ARAP2: variants seen among roughly 807,000 people sequenced by gnomAD.
The protein encoded by ARAP2 is arf-GAP with Rho-GAP domain, ANK repeat and PH domain-containing protein 2.
ARAP2 carries 148 observed loss-of-function variants against 194.5 expected under a neutral mutation model. The observed-to-expected ratio is 0.76, with a 90% confidence interval of 0.67 to 0.87. ARAP2 has a LOEUF of 0.87. Among genes scored for constraint, ARAP2 ranks in the 40% least tolerant of loss-of-function variants. The probability of loss-of-function intolerance (pLI) is 0.00; values close to 1 mark genes in which losing one functional copy is unlikely to be tolerated. For synonymous variants in ARAP2, 695 were observed against 683.5 expected (o/e 1.02, Z -0.26); for missense variants, 2,128 against 1,989.7 (o/e 1.07, Z -1.32).
intron 8 of ARAP2, among the ~76,000 whole-genome samples, chr4:36,014,617 T>C: frequency 6.6e-6 from 1 of 152,220 alleles, no homozygotes; most frequent in East Asian, 1.9e-4. Flanking sequence ...ATAGCTTTTC[T>C]ATACGTCAGC....
intron 5 of ARAP2, among the ~76,000 whole-genome samples, chr4:36,031,535 T>C (rs1560291908): frequency 6.6e-6 from 1 of 152,154 alleles, no homozygotes; most frequent in African/African-American, 2.4e-5. Flanking sequence ...TTAGTTAACA[T>C]AACAAATACC....
chr4:36,062,206 C>G (rs973593520), downstream of ARAP2, among the ~76,000 whole-genome samples: 1 of 152,072 alleles, frequency 6.6e-6, no homozygotes, highest in Non-Finnish European at 1.5e-5. Context: ...GGATATTACT[C>G]AAGAAATTTT....
At chr4:36,065,504 T>A, downstream of ARAP2, 1 of 308,282 alleles carries the variant, frequency 3.2e-6, no homozygotes, top group Non-Finnish European at 6.7e-6. Flanking sequence ...GGGGACAGCA[T>A]CTTGTCAATG....
chr4:36,022,310 T>C (rs184698945), intron 5 of ARAP2, among the ~76,000 whole-genome samples: 1 of 152,158 alleles, frequency 6.6e-6, no homozygotes, highest in Admixed American at 6.6e-5. Flanking sequence ...TACATGTAGG[T>C]GGCTGTTATG....
At chr4:36,027,688 T>A (rs1272877598) in intron 5 of ARAP2, among the ~76,000 whole-genome samples, 2 of 152,084 alleles carry the variant, frequency 1.3e-5, no homozygotes, top group Non-Finnish European at 2.9e-5. Flanking sequence ...ACCATCTTCA[T>A]CTCCACCATA....
chr4:36,087,459 T>C (rs1712194081), intron 28 of ARAP2, among the ~76,000 whole-genome samples: 1 of 152,140 alleles, frequency 6.6e-6, no homozygotes, highest in African/African-American at 2.4e-5. Flanking sequence ...TAAAGAACAC[T>C]GTTTTCAGAG....
chr4:36,122,422 T>C (rs753485204), intron 22 of ARAP2, among the ~76,000 whole-genome samples: 1 of 151,870 alleles, frequency 6.6e-6, no homozygotes, highest in Non-Finnish European at 1.5e-5. Context: ...CACCATGGAA[T>C]ACTATGCAGC....
intron 11 of ARAP2, among the ~76,000 whole-genome samples, chr4:36,164,160 T>G (rs1259055098): frequency 2.6e-5 from 4 of 152,146 alleles, no homozygotes; most frequent in Non-Finnish European, 4.4e-5. Context: ...AGTACTTGAG[T>G]TGAATTCTCT....
exon 4 of ARAP2, chr4:36,046,792 G>A (rs920030762): frequency 6.6e-6 from 1 of 152,208 alleles, no homozygotes; most frequent in African/African-American, 2.4e-5. Flanking sequence ...AGTAGAGCAA[G>A]TTCACCAAGT....
intron 12 of ARAP2, 38 bp downstream of exon 12, chr4:36,161,427 C>A (rs747700516): frequency 1.9e-6 from 3 of 1,539,616 alleles, no homozygotes; most frequent in Non-Finnish European, 9.0e-7. Context: ...GCAAACTGAA[C>A]CCCTATCACA....
chr4:36,088,506 T>C (rs966989760), intron 28 of ARAP2, among the ~76,000 whole-genome samples: 1 of 152,118 alleles, frequency 6.6e-6, no homozygotes, highest in African/African-American at 2.4e-5. Context: ...TAGTAACCAC[T>C]TGATACCCAC....
chr4:36,217,910 G>A lies in ARAP2; in HGVS notation c.906-3430C>T, dbSNP rs560124850. ...ATAAATATGACAATACCCCCTATATGAATCTGTAGTGTCAATGCAACCCTA... is the reference window on the plus strand; with the variant it reads ...ATAAATATGACAATACCCCCTATATAAATCTGTAGTGTCAATGCAACCCTA... On this transcript the variant is annotated intron_variant, in intron 2 of 32. Transcript: ENST00000303965. Among the ~76,000 whole-genome samples the A allele has an allele frequency of 1.7e-3, 256 of 150,742 alleles. 4 individuals are homozygous for A. Among genetic ancestry groups the A allele is most frequent in the Non-Finnish European group, 2.1e-3 (143 of 67,814 alleles).
intron 22 of ARAP2, among the ~76,000 whole-genome samples, chr4:36,122,720 T>C (rs1471673275): frequency 6.6e-6 from 1 of 151,688 alleles, no homozygotes; most frequent in African/African-American, 2.4e-5. Flanking sequence ...AGTTTACCTG[T>C]GTAACAAACC....
In ARAP2 at chr4:36,052,779, A is replaced by T. The variant is rs532078629; in HGVS notation, n.322-726T>A. 2.0e-5 allele frequency among the ~76,000 whole-genome samples: 3 copies of T among 152,236 alleles called. No individual in the cohort carries two copies. In the East Asian group the frequency reaches 5.8e-4, roughly 30 times the overall value. ...GGAGATCCAGACCATCGTGGCTAGC[A>T]CGGTGAAACCCCGTCTCTACTAAAA... On this transcript the variant is annotated intron_variant and non_coding_transcript_variant, in intron 2 of 12. Transcript: ENST00000503225.
At chr4:36,087,073 T>G (rs1712071640) in intron 28 of ARAP2, among the ~76,000 whole-genome samples, 1 of 152,076 alleles carries the variant, frequency 6.6e-6, no homozygotes, top group African/African-American at 2.4e-5. Flanking sequence ...TATACAAGCA[T>G]GCATATATTA....
intron 11 of ARAP2, among the ~76,000 whole-genome samples, chr4:36,164,227 G>A (rs898120479): frequency 1.3e-5 from 2 of 152,040 alleles, no homozygotes; most frequent in Admixed American, 1.3e-4. Flanking sequence ...CATACAGTGG[G>A]GGAGAAGGTG....
At chr4:36,176,700 C>A (rs549092776) in intron 9 of ARAP2, among the ~76,000 whole-genome samples, 1 of 152,218 alleles carries the variant, frequency 6.6e-6, no homozygotes, top group South Asian at 2.1e-4. Flanking sequence ...GAGGAATATG[C>A]TAACTACCCA....
chr4:36,198,970 G>C (rs1226490262), intron 6 of ARAP2, among the ~76,000 whole-genome samples: 1 of 152,144 alleles, frequency 6.6e-6, no homozygotes, highest in African/African-American at 2.4e-5. Flanking sequence ...CAGGACTCCT[G>C]TCTGCTCCAG....
At chr4:36,145,048 A>C (rs980238744) in intron 19 of ARAP2, among the ~76,000 whole-genome samples, 1 of 151,982 alleles carries the variant, frequency 6.6e-6, no homozygotes, top group Non-Finnish European at 1.5e-5. Context: ...TGTAATTAAG[A>C]GTTTTTTTAA....
Sources: allele counts gnomAD v4.1 joint callset (sites outside exome capture counted in the v4.1 genomes callset), GRCh38; gene constraint gnomAD v4.1.1; transcripts MANE v1.5; gene names NCBI Gene and HGNC (gene_info 2026-07-23, HGNC 2026-07-21).